LSAMP: variants seen among roughly 807,000 people sequenced by gnomAD.
The protein encoded by LSAMP is limbic system associated membrane protein, also known as limbic system-associated membrane protein.
LSAMP carries 7 observed loss-of-function variants against 38.6 expected under a neutral mutation model. The ratio of observed to expected loss-of-function variants is 0.18; its 90% confidence interval spans 0.10 to 0.34. LSAMP has a LOEUF of 0.34. Among genes scored for constraint, LSAMP ranks in the 10% least tolerant of loss-of-function variants. The pLI is 1.00. For synonymous variants in LSAMP, 154 were observed against 166.8 expected (o/e 0.92, Z 0.59); for missense variants, 313 against 420.0 (o/e 0.75, Z 2.23).
chr3:116,237,449 A>C (rs1454188299), intron 1 of LSAMP, among the ~76,000 whole-genome samples: 1 of 152,218 alleles, frequency 6.6e-6, no homozygotes, highest in Non-Finnish European at 1.5e-5. Context: ...ACAAAAAATG[A>C]GCATGAAGCT....
At chr3:116,253,593 G>A (rs943303716) in intron 1 of LSAMP, among the ~76,000 whole-genome samples, 5 of 152,098 alleles carry the variant, frequency 3.3e-5, no homozygotes, top group African/African-American at 7.2e-5. Context: ...TCTCTCACTC[G>A]TTCACGTAGC....
rs188138362 is a variant in LSAMP, at chr3:115,972,635, G to T, written c.514+46880C>A. 1.4e-4 allele frequency among the ~76,000 whole-genome samples: 21 copies of T among 151,442 alleles called. No individual in the cohort carries two copies. The East Asian group carries it at 3.7e-3, about 26-fold the overall frequency. ...AAGAAACTCATTGTTCTTCATTAAG[G>T]GGTAAAGATAAAATTAAAAATATTT... On this transcript the variant is annotated intron_variant, in intron 3 of 6. Transcript: ENST00000490035.
intron 1 of LSAMP, among the ~76,000 whole-genome samples, chr3:116,186,542 G>T (rs1036826809): frequency 2.0e-5 from 3 of 152,092 alleles, no homozygotes; most frequent in Non-Finnish European, 4.4e-5. Flanking sequence ...TCAAGATAAG[G>T]ATAATTTCTT....
intron 1 of LSAMP, among the ~76,000 whole-genome samples, chr3:116,300,861 A>G (rs924726087): frequency 3.3e-5 from 5 of 152,170 alleles, no homozygotes; most frequent in Non-Finnish European, 5.9e-5. Flanking sequence ...TAATATTCAC[A>G]AAAGACCAAT....
chr3:116,077,010 A>G (rs546069231), intron 2 of LSAMP, among the ~76,000 whole-genome samples: 412 of 151,990 alleles, frequency 2.7e-3, no homozygotes, highest in African/African-American at 9.5e-3. Context: ...TTACCAAACT[A>G]TTGTTAGTAT....
intron 3 of LSAMP, among the ~76,000 whole-genome samples, chr3:115,996,740 A>C (rs1356031051): frequency 1.3e-5 from 2 of 151,960 alleles, no homozygotes; most frequent in Non-Finnish European, 2.9e-5. Flanking sequence ...TCATTTCTTT[A>C]TTTATTACTA....
chr3:115,854,525 A>T (rs1935448493), intron 3 of LSAMP, among the ~76,000 whole-genome samples: 1 of 152,058 alleles, frequency 6.6e-6, no homozygotes, highest in African/African-American at 2.4e-5. Context: ...TATTATTTTT[A>T]AGAGGTTAAT....
intron 1 of LSAMP, among the ~76,000 whole-genome samples, chr3:116,350,829 G>C (rs1020798144): frequency 6.6e-6 from 1 of 151,926 alleles, no homozygotes; most frequent in East Asian, 1.9e-4. Flanking sequence ...TTGTGAAGAA[G>C]GATAAAAGAA....
At chr3:116,210,438 C>T (rs1262854152) in intron 1 of LSAMP, among the ~76,000 whole-genome samples, 3 of 152,192 alleles carry the variant, frequency 2.0e-5, no homozygotes, top group Non-Finnish European at 4.4e-5. Context: ...ATGCTGGATG[C>T]TTCCTACCTT....
At chr3:116,436,514 T>C (rs1206963906) in intron 1 of LSAMP, among the ~76,000 whole-genome samples, 3 of 151,892 alleles carry the variant, frequency 2.0e-5, no homozygotes, top group Admixed American at 2.0e-4. Context: ...AAAAATCCCA[T>C]CAAAAAGTGG....
chr3:115,813,894 A>G (rs1210508549), intron 6 of LSAMP, among the ~76,000 whole-genome samples: 5 of 152,230 alleles, frequency 3.3e-5, no homozygotes, highest in Non-Finnish European at 2.9e-5. Flanking sequence ...GCTTTCATAT[A>G]CTGACAGATA....
chr3:116,084,009 T>G (rs1275845228), intron 2 of LSAMP, among the ~76,000 whole-genome samples: 1 of 152,142 alleles, frequency 6.6e-6, no homozygotes, highest in Non-Finnish European at 1.5e-5. Context: ...TTGTTGTTGA[T>G]TTTTTTCTGT....
At chr3:116,053,638 T>G (rs983742814) in intron 2 of LSAMP, among the ~76,000 whole-genome samples, 1 of 152,128 alleles carries the variant, frequency 6.6e-6, no homozygotes, top group Admixed American at 6.5e-5. Context: ...TTTTCAGAGA[T>G]TGACAAGTAG....
At chr3:116,122,447 T>C (rs914073250) in intron 1 of LSAMP, among the ~76,000 whole-genome samples, 1 of 152,206 alleles carries the variant, frequency 6.6e-6, no homozygotes, top group Non-Finnish European at 1.5e-5. Flanking sequence ...AAAAGGTCTT[T>C]CCTGACCCCC....
intron 3 of LSAMP, among the ~76,000 whole-genome samples, chr3:116,007,148 C>T (rs889566703): frequency 4.6e-5 from 7 of 152,114 alleles, no homozygotes; most frequent in Non-Finnish European, 1.0e-4. Context: ...TTTAACACTG[C>T]AGTCAACTGC....
chr3:116,111,639 T>C (rs1450793120), intron 1 of LSAMP, among the ~76,000 whole-genome samples: 1 of 152,204 alleles, frequency 6.6e-6, no homozygotes, highest in Non-Finnish European at 1.5e-5. Flanking sequence ...TTAACACTCA[T>C]TTTTTGCCAT....
At chr3:116,270,359 T>TACA (rs1183787299) in intron 1 of LSAMP, among the ~76,000 whole-genome samples, 1 of 152,088 alleles carries the variant, frequency 6.6e-6, no homozygotes, top group Non-Finnish European at 1.5e-5. Context: ...TTCTGCCCAG[T>TACA]ACAACTCAAG....
At chr3:116,337,283 C>G (rs1414622535) in intron 1 of LSAMP, among the ~76,000 whole-genome samples, 2 of 151,878 alleles carry the variant, frequency 1.3e-5, no homozygotes, top group African/African-American at 4.8e-5. Context: ...GTATTTGGTA[C>G]ACTAAACTAC....
At chr3:116,223,086 T>C (rs555279510) in intron 1 of LSAMP, among the ~76,000 whole-genome samples, 3 of 151,888 alleles carry the variant, frequency 2.0e-5, no homozygotes, top group Admixed American at 2.0e-4. Flanking sequence ...TCTAGTGTAA[T>C]AGACACAATG....
Sources: gnomAD v4.1 joint callset for allele counts (sites outside exome capture counted in the v4.1 genomes callset) on GRCh38, gnomAD v4.1.1 for gene constraint, MANE v1.5 for transcripts, NCBI Gene and HGNC (gene_info 2026-07-23, HGNC 2026-07-21) for gene names.